Variants in GTPBP10 observed in about 807,000 individuals in gnomAD.
The protein encoded by GTPBP10 is GTP-binding protein 10.
GTPBP10 carries 38 observed loss-of-function variants against 44.8 expected under a neutral mutation model. The observed-to-expected ratio is 0.85, with a 90% CI of 0.65 to 1.11. The LOEUF (loss-of-function observed/expected upper bound fraction) is 1.11. Ranked by LOEUF, GTPBP10 falls within the 50% of genes most tolerant of loss-of-function variation. The pLI is 0.00. For synonymous variants in GTPBP10, 152 were observed against 150.6 expected (o/e 1.01, Z -0.07); for missense variants, 462 against 453.7 (o/e 1.02, Z -0.17).
intron 4 of GTPBP10, among the ~76,000 whole-genome samples, chr7:90,370,494 G>A (rs1183652385): frequency 6.6e-6 from 1 of 152,086 alleles, no homozygotes; most frequent in East Asian, 1.9e-4. Context: ...GCTAAGCTGT[G>A]CGTACACAGA....
At position 90,385,494 on chromosome 7, in the gene GTPBP10, A is replaced by G. The variant is rs1796508932; in HGVS notation, c.*340A>G. On this transcript the variant is annotated 3_prime_UTR_variant, in exon 10 of 10. Coordinates refer to ENST00000222511, the MANE Select transcript of GTPBP10 (RefSeq NM_033107.4). ...TTTGAAAGTCACTGAGTAAATTTTA[A>G]GTGGTTTTTCCAAAAAAGCACATAA... 5.8e-6 allele frequency: 1 copy of G among 173,772 alleles called. No homozygotes were observed. Among genetic ancestry groups the G allele is most frequent in the Admixed American group, 6.0e-5 (1 of 16,696 alleles). 10.8% of individuals were successfully genotyped at this position (173,772 alleles called of 1,614,324 possible).
chr7:90,372,482 C>CTTTTGTTTTTTTTTTTTTTT (rs1796276851), intron 5 of GTPBP10, among the ~76,000 whole-genome samples: 1 of 112,236 alleles, frequency 8.9e-6, no homozygotes, highest in Non-Finnish European at 1.7e-5. Context: ...GCTTGGCTAA[C>CTTTTGTTTTTTTTTTTTTTT]TTTTTTTTTT....
chr7:90,361,305 T>G (rs1177209387), intron 4 of GTPBP10, among the ~76,000 whole-genome samples: 1 of 152,210 alleles, frequency 6.6e-6, no homozygotes, highest in Non-Finnish European at 1.5e-5. Flanking sequence ...TTGAGATACG[T>G]TCCATCAATG....
chr7:90,380,776 T>C (rs1030903660), intron 8 of GTPBP10, among the ~76,000 whole-genome samples: 1 of 152,204 alleles, frequency 6.6e-6, no homozygotes. Context: ...TTTGTTCCAT[T>C]TGACCAACAC....
intron 4 of GTPBP10, among the ~76,000 whole-genome samples, chr7:90,362,451 G>T (rs1435344249): frequency 6.6e-6 from 1 of 152,168 alleles, no homozygotes; most frequent in Non-Finnish European, 1.5e-5. Flanking sequence ...TTTTGAGTGA[G>T]TTTCTGAATC....
At chr7:90,382,839 T>G (rs1796455918) in intron 8 of GTPBP10, 117 bp from the exon 9 acceptor site, 1 of 573,028 alleles carries the variant, frequency 1.7e-6, no homozygotes, top group Admixed American at 3.2e-5. Context: ...TTGTTGGGAT[T>G]TATTGCATTT....
At chr7:90,374,733 G>A (rs1562959574) in intron 6 of GTPBP10, among the ~76,000 whole-genome samples, 1 of 152,078 alleles carries the variant, frequency 6.6e-6, no homozygotes, top group East Asian at 1.9e-4. Flanking sequence ...ATGTTTTAAT[G>A]GAGTTTTGGT....
chr7:90,362,203 T>C (rs545276807), intron 4 of GTPBP10, among the ~76,000 whole-genome samples: 3 of 152,354 alleles, frequency 2.0e-5, no homozygotes, highest in South Asian at 4.1e-4. Flanking sequence ...CTTGCTTCTC[T>C]AGTTCTTTTA....
intron 4 of GTPBP10, chr7:90,371,347 T>G (rs1394255703): frequency 2.9e-5 from 5 of 172,872 alleles, no homozygotes; most frequent in Non-Finnish European, 5.7e-5. Context: ...CTTATATGAT[T>G]CAGTTTAAAG....
Sources: gnomAD v4.1 joint callset for allele counts (sites outside exome capture counted in the v4.1 genomes callset) on GRCh38, gnomAD v4.1.1 for gene constraint, MANE v1.5 for transcripts, NCBI Gene and HGNC (gene_info 2026-07-23, HGNC 2026-07-21) for gene names.